Variants in CDH12 observed in about 807,000 individuals in gnomAD.
The protein encoded by CDH12 is cadherin 12.
A neutral mutation model predicts 74.1 loss-of-function variants in CDH12; 41 were observed. The ratio of observed to expected loss-of-function variants is 0.55; its 90% CI spans 0.43 to 0.72. CDH12 has a LOEUF of 0.72. CDH12 is among the 30% of genes least tolerant of loss of function. CDH12 has a pLI of 0.00. For missense variants in CDH12, 945 were observed against 977.2 expected (o/e 0.97, Z 0.44); for synonymous variants, 399 against 355.0 (o/e 1.12, Z -1.39).
chr5:22,823,419 ATCTC>A (rs1749830134), intron 1 of CDH12, among the ~76,000 whole-genome samples: 1 of 152,000 alleles, frequency 6.6e-6, no homozygotes, highest in African/African-American at 2.4e-5. Flanking sequence ...GCCATGCACA[ATCTC>A]TCTCTTTGCC....
chr5:21,901,843 A>G (rs1345543246), intron 6 of CDH12, among the ~76,000 whole-genome samples: 2 of 152,162 alleles, frequency 1.3e-5, no homozygotes, highest in Non-Finnish European at 2.9e-5. Context: ...AACATCAGTC[A>G]TTCAATTATT....
chr5:22,760,761 GAGA>G (rs1323351034), intron 1 of CDH12, among the ~76,000 whole-genome samples: 6 of 147,912 alleles, frequency 4.1e-5, no homozygotes, highest in Non-Finnish European at 8.9e-5. Flanking sequence ...ATTCTTTGTA[GAGA>G]AGAAGATTAT....
intron 9 of CDH12, 98 bp from the exon 10 acceptor site, chr5:21,802,518 T>A (rs1747177454): frequency 1.0e-6 from 1 of 969,540 alleles, no homozygotes; most frequent in Admixed American, 2.2e-5. Flanking sequence ...TTATTATCAA[T>A]TATACTGGTT....
chr5:22,384,216 A>G (rs940837098), intron 3 of CDH12, among the ~76,000 whole-genome samples: 1 of 152,142 alleles, frequency 6.6e-6, no homozygotes, highest in Non-Finnish European at 1.5e-5. Flanking sequence ...TAAATATTAA[A>G]AAATGTCCAT....
At chr5:22,399,644 A>G (rs916344931) in intron 3 of CDH12, among the ~76,000 whole-genome samples, 1 of 152,144 alleles carries the variant, frequency 6.6e-6, no homozygotes, top group Non-Finnish European at 1.5e-5. Flanking sequence ...CCACTAACAG[A>G]TGGTGTAACA....
At chr5:22,510,128 C>T (rs571714531) in intron 1 of CDH12, among the ~76,000 whole-genome samples, 13 of 151,880 alleles carry the variant, frequency 8.6e-5, no homozygotes. Context: ...GTAATAGACA[C>T]ATAATACACA....
intron 1 of CDH12, among the ~76,000 whole-genome samples, chr5:22,750,749 T>C (rs746860323): frequency 6.6e-6 from 1 of 151,818 alleles, no homozygotes; most frequent in Non-Finnish European, 1.5e-5. Flanking sequence ...GTGAAGAAAA[T>C]GAGTTAGGTT....
intron 6 of CDH12, among the ~76,000 whole-genome samples, chr5:21,867,669 A>G (rs977027001): frequency 3.3e-5 from 5 of 152,254 alleles, no homozygotes; most frequent in Non-Finnish European, 7.4e-5. Context: ...CTATATCCCC[A>G]TTGTATCTAG....
intron 2 of CDH12, among the ~76,000 whole-genome samples, chr5:22,464,093 G>C (rs1745630649): frequency 1.3e-5 from 2 of 152,158 alleles, no homozygotes; most frequent in South Asian, 2.1e-4. Context: ...TCTTGTGATA[G>C]CATATGAGTC....
At position 22,698,733 on chromosome 5, in the gene CDH12, ATAGTGTGTGTGT is replaced by A. The variant is rs1561586140; in HGVS notation, c.-523+154313_-523+154324del. On this transcript the variant is annotated intron_variant, in intron 1 of 14. Coordinates refer to ENST00000382254, the MANE Select transcript of CDH12 (RefSeq NM_004061.5). ...TATATATATATATATATATATATAT[ATAGTGTGTGTGT>A]GTGTGTGTGTGTGTGTGTGTGTGTG... Among the ~76,000 whole-genome samples the A allele has an allele frequency of 1.2e-3, 8 of 6,730 alleles. 1 individual carries two copies. The highest frequency in any genetic ancestry group is 4.5e-3 in the African/African-American group (8 of 1,770). 4.4% of individuals were successfully genotyped at this position (6,730 alleles called of 152,430 possible). A position where few individuals can be genotyped will look rare whatever the true frequency, so the allele number is the denominator to read the frequency against.
At chr5:22,365,939 T>G (rs1741010484) in intron 3 of CDH12, among the ~76,000 whole-genome samples, 1 of 152,156 alleles carries the variant, frequency 6.6e-6, no homozygotes. Context: ...GGAAAAATTA[T>G]ACTCAGTCTA....
At chr5:22,600,189 A>G (rs771022673) in intron 1 of CDH12, among the ~76,000 whole-genome samples, 1 of 152,108 alleles carries the variant, frequency 6.6e-6, no homozygotes, top group Non-Finnish European at 1.5e-5. Flanking sequence ...TAAGATTATT[A>G]TAAGCATTAA....
intron 1 of CDH12, among the ~76,000 whole-genome samples, chr5:22,608,055 G>A (rs1737207959): frequency 6.6e-6 from 1 of 152,170 alleles, no homozygotes; most frequent in African/African-American, 2.4e-5. Flanking sequence ...CTGAGGCATT[G>A]CCTAGTGGAG....
intron 6 of CDH12, among the ~76,000 whole-genome samples, chr5:21,943,832 T>A (rs1755448884): frequency 6.6e-6 from 1 of 152,128 alleles, no homozygotes; most frequent in Admixed American, 6.6e-5. Flanking sequence ...ATATAGGACA[T>A]CTTACTCAAA....
chr5:22,843,039 G>C (rs1581055155), intron 1 of CDH12, among the ~76,000 whole-genome samples: 1 of 152,102 alleles, frequency 6.6e-6, no homozygotes, highest in East Asian at 1.9e-4. Flanking sequence ...TTTTCATAGA[G>C]TTTGAAACTT....
At chr5:21,772,409 A>G (rs1244357162) in intron 11 of CDH12, among the ~76,000 whole-genome samples, 5 of 151,918 alleles carry the variant, frequency 3.3e-5, no homozygotes, top group Non-Finnish European at 5.9e-5. Context: ...TCCTATTCTG[A>G]AATCCTGCAT....
intron 3 of CDH12, among the ~76,000 whole-genome samples, chr5:22,320,864 T>C (rs116695044): frequency 0.011 from 1,739 of 152,318 alleles, 38 homozygotes; most frequent in African/African-American, 0.04. Flanking sequence ...TCTATCTAAA[T>C]CATCAGTTTT....
At chr5:22,301,514 T>A (rs1197688558) in intron 3 of CDH12, among the ~76,000 whole-genome samples, 1 of 152,156 alleles carries the variant, frequency 6.6e-6, no homozygotes, top group African/African-American at 2.4e-5. Flanking sequence ...CAAGTAAACT[T>A]CAGCCACAAC....
rs575289503 is a variant in CDH12 at position 22,367,570 on chromosome 5, C to G, written c.-333+37687G>C. Among the ~76,000 whole-genome samples, 14 of 152,268 alleles carry G rather than the reference C, an allele frequency of 9.2e-5. No individual in the cohort carries two copies. In the East Asian group the frequency reaches 2.7e-3, roughly 29 times the overall value. On this transcript the variant is annotated intron_variant, in intron 3 of 14. Coordinates refer to ENST00000382254, the MANE Select transcript of CDH12 (RefSeq NM_004061.5). ...AGATACCTTGTGACAGCAGAGAACA[C>G]CCAATGACCCTTGGTCATATTTTAG...
Sources: allele counts gnomAD v4.1 joint callset (sites outside exome capture counted in the v4.1 genomes callset), GRCh38; gene constraint gnomAD v4.1.1; transcripts MANE v1.5; gene names NCBI Gene and HGNC (gene_info 2026-07-23, HGNC 2026-07-21).